Variants in MET observed in about 807,000 individuals in gnomAD.
The protein encoded by MET is hepatocyte growth factor receptor.
MET carries 48 observed loss-of-function variants against 133.1 expected under a neutral mutation model. The observed-to-expected ratio is 0.36, with a 90% CI of 0.29 to 0.46. MET has a LOEUF of 0.46. Ranked by LOEUF, MET falls within the 20% of genes least tolerant of loss-of-function variation. The pLI, the probability that MET is intolerant of heterozygous loss-of-function variation, is 1.00. For missense variants in MET, 1,442 were observed against 1,695.9 expected (o/e 0.85, Z 2.63); for synonymous variants, 628 against 616.5 (o/e 1.02, Z -0.28).
intron 1 of MET, among the ~76,000 whole-genome samples, chr7:116,694,553 C>T (rs1204248942): frequency 6.6e-6 from 1 of 152,006 alleles, no homozygotes; most frequent in African/African-American, 2.4e-5. Context: ...AACAAAAAGC[C>T]TATTTCTACA....
intron 5 of MET, among the ~76,000 whole-genome samples, chr7:116,742,875 C>T (rs984513517): frequency 2.0e-5 from 3 of 152,216 alleles, no homozygotes; most frequent in Non-Finnish European, 4.4e-5. Flanking sequence ...AGGAAGATTT[C>T]ATGCTGCACC....
intron 1 of MET, among the ~76,000 whole-genome samples, chr7:116,696,022 G>C (rs1796953918): frequency 6.6e-6 from 1 of 151,920 alleles, no homozygotes; most frequent in Non-Finnish European, 1.5e-5. Flanking sequence ...ACAGGCACCT[G>C]TCACCACACC....
At chr7:116,695,815 A>T (rs779671766) in intron 1 of MET, 1 of 482,486 alleles carries the variant, frequency 2.1e-6, no homozygotes, top group African/African-American at 2.0e-5. Flanking sequence ...CACTCAATAC[A>T]TGTTCTTGTT....
chr7:116,680,850 G>T (rs2116473807), intron 1 of MET, among the ~76,000 whole-genome samples: 1 of 152,220 alleles, frequency 6.6e-6, no homozygotes, highest in Non-Finnish European at 1.5e-5. Context: ...GCTGAGGTGG[G>T]AGGATCACCT....
chr7:116,705,511 G>T (rs1040758056), intron 2 of MET, among the ~76,000 whole-genome samples: 1 of 152,036 alleles, frequency 6.6e-6, no homozygotes. Context: ...TTTACTTATT[G>T]TGCTCAAAAA....
intron 2 of MET, among the ~76,000 whole-genome samples, chr7:116,721,005 T>A (rs1163328620): frequency 1.3e-5 from 2 of 152,014 alleles, no homozygotes; most frequent in Admixed American, 1.3e-4. Context: ...CCTCATAAAA[T>A]GAGTTAGGGA....
chr7:116,706,068 G>A (rs563706962), intron 2 of MET, among the ~76,000 whole-genome samples: 19 of 152,156 alleles, frequency 1.2e-4, no homozygotes, highest in African/African-American at 4.3e-4. Context: ...AAAAAGCAAA[G>A]GCATGATGTT....
chr7:116,777,505 T>G, intron 16 of MET, 36 bp downstream of exon 16: 1 of 1,592,940 alleles, frequency 6.3e-7, no homozygotes, highest in South Asian at 1.1e-5. Context: ...GAGTATACTT[T>G]TGTGGTTTGC....
Position 116,771,971 on chromosome 7 carries a change from C to A in MET, c.3010C>A (p.Arg1004=), listed in dbSNP as rs766865557. The A allele has an allele frequency of 1.2e-6, 2 of 1,613,738 alleles. No homozygotes were observed. Among genetic ancestry groups the A allele is most frequent in the Non-Finnish European group, 1.7e-6 (2 of 1,179,770 alleles). ...GGTTTCAAATGAATCTGTAGACTAC[C>A]GAGCTACTTTTCCAGAAGGTATATT... The part of the protein sequence containing the change: ...EMVSNESVDY[R]ATFPEDQFPN... Residue 1004 remains arginine, a synonymous_variant, in exon 14 of 21, where the codon CGA becomes AGA. Coordinates refer to ENST00000397752, the MANE Select transcript of MET (RefSeq NM_000245.4).
chr7:116,754,893 G>GAGAAAGAAAGAAAGAA (rs542934651), intron 5 of MET, among the ~76,000 whole-genome samples: 385 of 97,526 alleles, frequency 3.9e-3, no homozygotes, highest in East Asian at 9.2e-3. Flanking sequence ...GAGAGAAAGA[G>GAGAAAGAAAGAAAGAA]AGAAAGAAAG....
At position 116,741,152 on chromosome 7, in the gene MET, A is replaced by G. The variant is rs776773955; in HGVS notation, c.1701+127A>G. On this transcript the variant is annotated intron_variant, in intron 5 of 20. Coordinates refer to ENST00000397752, the MANE Select transcript of MET (RefSeq NM_000245.4). ...ACTAATGAAAAAAATTTAAAAATCA[A>G]TTTACTCATTTAGCTGTGAGTCATC... 2.7e-5 allele frequency: 29 copies of G among 1,077,690 alleles called. No homozygotes were observed. In the South Asian group the frequency reaches 3.9e-4, roughly 14 times the overall value. 66.8% of individuals were successfully genotyped at this position (1,077,690 alleles called of 1,614,324 possible).
rs545591604 is a variant in MET, at chr7:116,753,555, G to A, written c.1702-1800G>A. Among the ~76,000 whole-genome samples, 22 of 152,272 alleles carry A rather than the reference G, an allele frequency of 1.4e-4. 1 individual carries two copies. The highest frequency in any genetic ancestry group is 3.9e-4 in the Admixed American group (6 of 15,298). On this transcript the variant is annotated intron_variant, in intron 5 of 20. Coordinates refer to ENST00000397752, the MANE Select transcript of MET (RefSeq NM_000245.4). ...TTGATAACATACCAGAAATGAGTCT[G>A]CAATAACAAAATGAGTCTGTTATTT...
At chr7:116,771,745 T>C (rs576821839) in intron 13 of MET, 91 bp downstream of exon 13, 1 of 1,607,858 alleles carries the variant, frequency 6.2e-7, no homozygotes, top group Non-Finnish European at 8.5e-7. Flanking sequence ...TGTGCTGTCT[T>C]ATATGTAGTC....
intron 6 of MET, 92 bp downstream of exon 6, chr7:116,755,607 A>T (rs1418275091): frequency 6.7e-7 from 1 of 1,497,168 alleles, no homozygotes; most frequent in African/African-American, 1.4e-5. Context: ...CAAGAAGCTC[A>T]TCTCTTGAAT....
intron 11 of MET, among the ~76,000 whole-genome samples, chr7:116,766,159 T>C (rs1315454302): frequency 6.6e-6 from 1 of 152,244 alleles, no homozygotes; most frequent in African/African-American, 2.4e-5. Flanking sequence ...ATTTCTGACT[T>C]TTTATGCATG....
At chr7:116,709,861 A>T (rs1463307187) in intron 2 of MET, among the ~76,000 whole-genome samples, 2 of 152,178 alleles carry the variant, frequency 1.3e-5, no homozygotes, top group African/African-American at 4.8e-5. Context: ...AAATGTTCTA[A>T]AGTACAATAA....
chr7:116,724,773 C>T, intron 2 of MET: 1 of 1,261,562 alleles, frequency 7.9e-7, no homozygotes, highest in Non-Finnish European at 1.0e-6. Flanking sequence ...CCTTTACAGG[C>T]AGAAAATGTG....
chr7:116,750,062 A>G (rs916982498), intron 5 of MET, among the ~76,000 whole-genome samples: 1 of 152,240 alleles, frequency 6.6e-6, no homozygotes, highest in Admixed American at 6.5e-5. Flanking sequence ...GACTTTCTTC[A>G]CAGAATTAGA....
Position 116,700,271 on chromosome 7 carries a change from A to C in MET, c.1187A>C (p.His396Pro), listed in dbSNP as rs2116607543. ...CATTTTTACGGACCCAATCATGAGC[A>C]CTGCTTTAATAGGGTAAGTCACATC... Reference protein sequence around the residue: ...LQHFYGPNHEHCFNRTLLRNS... With the variant: ...LQHFYGPNHEPCFNRTLLRNS... The change falls in exon 2 of 21, where the codon CAC becomes CCC. Residue 396 changes from histidine to proline, a missense_variant. His to Pro is a moderately conservative substitution (Grantham distance 77). Around this residue, in one of 6 missense-constraint regions of MET, gnomAD observed 762 missense variants for 792.4 expected, o/e 0.96. Coordinates refer to ENST00000397752, the MANE Select transcript of MET (RefSeq NM_000245.4). 1 of 1,603,620 alleles carries C rather than the reference A, an allele frequency of 6.2e-7. No homozygotes were observed. The highest frequency in any genetic ancestry group is 8.5e-7 in the Non-Finnish European group (1 of 1,178,520).
Sources: gnomAD v4.1 joint callset for allele counts (sites outside exome capture counted in the v4.1 genomes callset) on GRCh38, gnomAD v4.1.1 for gene constraint, gnomAD v4.1.1 regional missense constraint, MANE v1.5 for transcripts, NCBI Gene and HGNC (gene_info 2026-07-23, HGNC 2026-07-21) for gene names.